GPR141: variants seen among roughly 807,000 people sequenced by gnomAD.
GPR141 encodes probable G protein-coupled receptor 141.
In GPR141, 6 loss-of-function variants were observed where a neutral mutation model predicts 6.8. The observed-to-expected ratio is 0.88, with a 90% CI of 0.48 to 1.74. The LOEUF is 1.74. Ranked by LOEUF, GPR141 falls within the 40% of genes most tolerant of loss-of-function variation. GPR141 has a pLI of 0.01. For missense variants in GPR141, 372 were observed against 372.9 expected, an observed-to-expected ratio of 1.00 and a Z score of 0.02; for synonymous variants, 140 against 142.3, an observed-to-expected ratio of 0.98 and a Z score of 0.11.
intron 2 of GPR141, among the ~76,000 whole-genome samples, chr7:37,688,724 A>C (rs960518499): frequency 1.3e-5 from 2 of 152,170 alleles, no homozygotes; most frequent in Non-Finnish European, 2.9e-5. Flanking sequence ...ATCTGACAAG[A>C]GGAAGGCCCA....
chr7:37,699,155 T>C (rs917532300), intron 2 of GPR141, among the ~76,000 whole-genome samples: 3 of 152,222 alleles, frequency 2.0e-5, no homozygotes, highest in African/African-American at 7.2e-5. Flanking sequence ...TTGGCAGTTT[T>C]TTTTTCTATG....
chr7:37,710,759 G>C (rs928349347), intron 2 of GPR141, among the ~76,000 whole-genome samples: 18 of 152,294 alleles, frequency 1.2e-4, no homozygotes, highest in African/African-American at 4.3e-4. Flanking sequence ...TCTGGACAGA[G>C]CTAGAAAGTA....
chr7:37,718,837 C>T (rs1445058922), intron 2 of GPR141, among the ~76,000 whole-genome samples: 1 of 150,200 alleles, frequency 6.7e-6, no homozygotes, highest in Non-Finnish European at 1.5e-5. Context: ...TGAACCTTAA[C>T]CAAGGGCTTC....
At chr7:37,687,887 C>T (rs572481003) in intron 2 of GPR141, among the ~76,000 whole-genome samples, 90 of 152,202 alleles carry the variant, frequency 5.9e-4, no homozygotes, top group Non-Finnish European at 1.2e-3. Flanking sequence ...AAATCTGTGA[C>T]AAAGCTATTT....
chr7:37,718,076 T>G (rs1217873838), intron 2 of GPR141, among the ~76,000 whole-genome samples: 15 of 151,942 alleles, frequency 9.9e-5, no homozygotes, highest in Non-Finnish European at 5.9e-5. Context: ...CAGCAAATGT[T>G]CAGCAAAGTA....
rs189703499 is a variant in GPR141 at position 37,691,387 on chromosome 7, C to T, written c.-15+5804C>T. 3.3e-3 allele frequency among the ~76,000 whole-genome samples: 492 copies of T among 150,392 alleles called. 3 individuals are homozygous for T. The highest frequency in any genetic ancestry group is 0.011 in the African/African-American group (436 of 40,844). On this transcript the variant is annotated intron_variant, in intron 2 of 2. Transcript: ENST00000334425. The stretch of plus-strand genomic sequence containing the variant: ...TTGGCTCACTGCAACCTCTGCCTCC[C>T]GGGTTCAAGTCAGTCTATATCTTTT...
At chr7:37,720,990 A>C (rs957532634) in intron 2 of GPR141, among the ~76,000 whole-genome samples, 11 of 152,202 alleles carry the variant, frequency 7.2e-5, no homozygotes. Context: ...AGAGATACAA[A>C]CAATACAGTT....
At chr7:37,688,584 C>T (rs1264501499) in intron 2 of GPR141, among the ~76,000 whole-genome samples, 1 of 152,198 alleles carries the variant, frequency 6.6e-6, no homozygotes, top group Non-Finnish European at 1.5e-5. Flanking sequence ...GGCCATGCTA[C>T]TGAGACGCAC....
intron 2 of GPR141, among the ~76,000 whole-genome samples, chr7:37,696,140 A>G (rs1222083326): frequency 6.6e-6 from 1 of 152,220 alleles, no homozygotes; most frequent in Admixed American, 6.5e-5. Flanking sequence ...TACTCAGTAG[A>G]AAACAGACTC....
chr7:37,719,603 C>T (rs890596346), intron 2 of GPR141, among the ~76,000 whole-genome samples: 1 of 152,168 alleles, frequency 6.6e-6, no homozygotes, highest in Non-Finnish European at 1.5e-5. Flanking sequence ...CCACACACGT[C>T]TGCGAATTAT....
intron 2 of GPR141, among the ~76,000 whole-genome samples, chr7:37,690,210 A>T (rs1327176576): frequency 6.6e-6 from 1 of 151,904 alleles, no homozygotes; most frequent in Non-Finnish European, 1.5e-5. Flanking sequence ...TTTAATTTCC[A>T]TGCATTTTTA....
At chr7:37,708,122 C>T (rs1342422943) in intron 2 of GPR141, among the ~76,000 whole-genome samples, 4 of 151,820 alleles carry the variant, frequency 2.6e-5, no homozygotes, top group Admixed American at 6.6e-5. Flanking sequence ...TCATTGAAAC[C>T]GTCACAGCAG....
intron 2 of GPR141, among the ~76,000 whole-genome samples, chr7:37,731,419 C>A (rs1811926320): frequency 6.6e-6 from 1 of 152,140 alleles, no homozygotes; most frequent in Non-Finnish European, 1.5e-5. Context: ...AATTTTAGGT[C>A]AACTAATTAA....
chr7:37,699,579 A>AAACAT (rs1810186989), intron 2 of GPR141, among the ~76,000 whole-genome samples: 1 of 152,072 alleles, frequency 6.6e-6, no homozygotes, highest in African/African-American at 2.4e-5. Flanking sequence ...AAACAAAACA[A>AAACAT]ATAGGTGTAG....
intron 2 of GPR141, among the ~76,000 whole-genome samples, chr7:37,704,096 G>A (rs967389047): frequency 6.6e-6 from 1 of 152,128 alleles, no homozygotes; most frequent in African/African-American, 2.4e-5. Flanking sequence ...CCCACTGATA[G>A]TATAGATTCC....
chr7:37,712,078 G>C (rs1274945334), intron 2 of GPR141, among the ~76,000 whole-genome samples: 4 of 152,154 alleles, frequency 2.6e-5, no homozygotes, highest in African/African-American at 9.7e-5. Context: ...CTGGGTATTT[G>C]AGTTTCTCAT....
chr7:37,691,810 TC>T (rs896062468), intron 2 of GPR141, among the ~76,000 whole-genome samples: 1 of 151,728 alleles, frequency 6.6e-6, no homozygotes, highest in African/African-American at 2.4e-5. Flanking sequence ...TGGAGTTTTT[TC>T]CCCCCCTTTA....
At chr7:37,708,535 G>T (rs906498861) in intron 2 of GPR141, among the ~76,000 whole-genome samples, 1 of 152,040 alleles carries the variant, frequency 6.6e-6, no homozygotes, top group Non-Finnish European at 1.5e-5. Flanking sequence ...AAATGAGTAC[G>T]CATCCTGTCT....
chr7:37,700,338 A>G (rs943338516), intron 2 of GPR141, among the ~76,000 whole-genome samples: 42 of 152,354 alleles, frequency 2.8e-4, no homozygotes, highest in African/African-American at 9.9e-4. Context: ...AGGTCATTGC[A>G]TATTGAGCCT....
Sources: allele counts gnomAD v4.1 joint callset (sites outside exome capture counted in the v4.1 genomes callset), GRCh38; gene constraint gnomAD v4.1.1; transcripts MANE v1.5; gene names NCBI Gene and HGNC (gene_info 2026-07-23, HGNC 2026-07-21).